The following PAAF1 variants were observed in gnomAD, a reference collection of about 807,000 sequenced individuals.
The protein encoded by PAAF1 is proteasomal ATPase associated factor 1, also known as proteasomal ATPase-associated factor 1.
PAAF1 carries 46 observed loss-of-function variants against 52.8 expected under a neutral mutation model. The ratio of observed to expected loss-of-function variants is 0.87; its 90% confidence interval spans 0.69 to 1.11. The LOEUF (loss-of-function observed/expected upper bound fraction) is 1.11. Among genes scored for constraint, PAAF1 ranks in the 50% most tolerant of loss-of-function variants. PAAF1 has a pLI of 0.00. For synonymous variants in PAAF1, 178 were observed against 172.8 expected, an observed-to-expected ratio of 1.03 and a Z score of -0.24; for missense variants, 424 against 477.4, an observed-to-expected ratio of 0.89 and a Z score of 1.04.
chr11:73,889,809 C>T (rs1430160977), intron 3 of PAAF1, among the ~76,000 whole-genome samples: 4 of 152,196 alleles, frequency 2.6e-5, no homozygotes, highest in Non-Finnish European at 5.9e-5. Context: ...GCTATATGGG[C>T]TTTATCACAC....
At chr11:73,876,790 C>T, upstream of PAAF1, 1 of 408,636 alleles carries the variant, frequency 2.4e-6, no homozygotes, top group Non-Finnish European at 4.3e-6. Context: ...CGAACGCACG[C>T]TCCTACGCGG....
chr11:73,900,710 C>T (rs1429725523), intron 6 of PAAF1, among the ~76,000 whole-genome samples: 2 of 152,108 alleles, frequency 1.3e-5, no homozygotes, highest in African/African-American at 4.8e-5. Flanking sequence ...TGGCCGGGCG[C>T]GGTGGCTCAC....
rs138585730 is a variant in PAAF1 at position 73,920,305 on chromosome 11, G to A, written c.1018+1273G>A. On this transcript the variant is annotated intron_variant, in intron 10 of 11. Transcript: ENST00000310571. The stretch of plus-strand genomic sequence containing the variant: ...TCCCAGCATTTTGGGAGGCTGAGGC[G>A]GGAGGATCACTTGAGCCCAGGAGTT... Among the ~76,000 whole-genome samples, 828 of 152,154 alleles carry A rather than the reference G, an allele frequency of 5.4e-3. 8 individuals are homozygous for A. Among genetic ancestry groups the A allele is most frequent in the African/African-American group, 0.018 (747 of 41,512 alleles).
intron 4 of PAAF1, among the ~76,000 whole-genome samples, chr11:73,897,215 G>A (rs1329972184): frequency 1.6e-5 from 2 of 123,468 alleles, no homozygotes; most frequent in East Asian, 4.6e-4. Context: ...CGGACGGGGC[G>A]GCTGGCCGGG....
chr11:73,913,147 G>T (rs975473407), intron 7 of PAAF1, among the ~76,000 whole-genome samples: 4 of 152,140 alleles, frequency 2.6e-5, no homozygotes, highest in African/African-American at 7.2e-5. Context: ...AAAATTCTGG[G>T]ATTACAGGCG....
At chr11:73,908,064 T>C (rs1949808438) in intron 6 of PAAF1, among the ~76,000 whole-genome samples, 1 of 152,078 alleles carries the variant, frequency 6.6e-6, no homozygotes, top group African/African-American at 2.4e-5. Context: ...ATGCTTGTGG[T>C]GTCAATGACT....
At chr11:73,882,532 C>T (rs1482780526) in intron 2 of PAAF1, among the ~76,000 whole-genome samples, 1 of 151,582 alleles carries the variant, frequency 6.6e-6, no homozygotes, top group Non-Finnish European at 1.5e-5. Context: ...CTGCAACCTC[C>T]ACCTCCTGGA....
At chr11:73,880,551 G>T (rs927943562) in intron 2 of PAAF1, 1 of 150,898 alleles carries the variant, frequency 6.6e-6, no homozygotes, top group Non-Finnish European at 1.5e-5. Flanking sequence ...GCCGGATGTG[G>T]TGGTGGGCCC....
chr11:73,876,814 G>A, upstream of PAAF1: 1 of 442,616 alleles, frequency 2.3e-6, no homozygotes, highest in Non-Finnish European at 3.8e-6. Context: ...CTTGGGTTTC[G>A]CAGGCGGTTG....
rs1036050992 is a variant in PAAF1, at chr11:73,928,212, A to G, written c.*850A>G. 1 of 152,206 alleles carries G rather than the reference A, an allele frequency of 6.6e-6. No homozygotes were observed. The allele number at this position is 152,206 out of a possible 1,614,324, so 9.4% of individuals were successfully genotyped here. On this transcript the variant is annotated 3_prime_UTR_variant, in exon 12 of 12. Transcript: ENST00000310571. ...ATTCCAGGTGATTCTGATGTATGCT[A>G]AAGCTTGAGAGCCACTGATCTAGAG...
At chr11:73,919,682 A>G (rs2135226522) in intron 10 of PAAF1, among the ~76,000 whole-genome samples, 1 of 152,288 alleles carries the variant, frequency 6.6e-6, no homozygotes, top group South Asian at 2.1e-4. Context: ...GAGTTCAGGA[A>G]TGGTGTTGGG....
In PAAF1 at chr11:73,929,510, A is replaced by G. The variant is rs971606277; in HGVS notation, c.*2148A>G. The G allele has an allele frequency of 6.6e-6, 1 of 152,232 alleles. No individual in the cohort carries two copies. The highest frequency in any genetic ancestry group is 1.5e-5 in the Non-Finnish European group (1 of 68,022). The allele number at this position is 152,232 out of a possible 1,614,324, so 9.4% of individuals were successfully genotyped here. On this transcript the variant is annotated 3_prime_UTR_variant, in exon 12 of 12. Coordinates refer to ENST00000310571, the MANE Select transcript of PAAF1 (RefSeq NM_025155.3). ...CAAGACTCAAAAAGCGAATGTTATT[A>G]TTTGTTTTATTCCGATAAGGAAACT... is the stretch of plus-strand genomic sequence containing the variant.
Position 73,877,011 on chromosome 11 carries a change from G to A in PAAF1, c.-11G>A. The A allele has an allele frequency of 6.5e-7, 1 of 1,529,702 alleles. No individual in the cohort carries two copies. Among genetic ancestry groups the A allele is most frequent in the Non-Finnish European group, 8.8e-7 (1 of 1,135,618 alleles). 94.8% of individuals were successfully genotyped at this position (1,529,702 alleles called of 1,614,324 possible). ...GGGCGGAAGAGGTGGGCTGGTGGAG[G>A]CGGGGTCGAGATGGCGGCGCCTTTG... On this transcript the variant is annotated 5_prime_UTR_variant, in exon 1 of 12. Coordinates refer to ENST00000310571, the MANE Select transcript of PAAF1 (RefSeq NM_025155.3).
chr11:73,893,354 A>G (rs1949248263), intron 4 of PAAF1, among the ~76,000 whole-genome samples: 1 of 152,232 alleles, frequency 6.6e-6, no homozygotes, highest in South Asian at 2.1e-4. Context: ...TTGTAATGCC[A>G]GTTATATTAT....
chr11:73,880,176 A>C (rs1203990337), intron 2 of PAAF1: 1 of 151,970 alleles, frequency 6.6e-6, no homozygotes, highest in African/African-American at 2.4e-5. Context: ...AGCTGTGATT[A>C]TGCTACTGGA....
chr11:73,927,473 C>T lies in PAAF1; in HGVS notation c.*111C>T. ...CCATGGCGTTTAATGTCTTGGGCACCCCTTGGAAATCACAGAAAGTCAGCT... is the reference window on the plus strand; with the variant it reads ...CCATGGCGTTTAATGTCTTGGGCACTCCTTGGAAATCACAGAAAGTCAGCT... On this transcript the variant is annotated 3_prime_UTR_variant, in exon 12 of 12. Coordinates refer to ENST00000310571, the MANE Select transcript of PAAF1 (RefSeq NM_025155.3). 2.2e-6 allele frequency: 2 copies of T among 909,026 alleles called. No homozygotes were observed. The highest frequency in any genetic ancestry group is 1.5e-5 in the South Asian group (1 of 67,590). 56.3% of individuals were successfully genotyped at this position (909,026 alleles called of 1,614,324 possible).
chr11:73,891,146 C>A lies in PAAF1; in HGVS notation c.227C>A (p.Ala76Glu). The change falls in exon 4 of 12, where the codon GCA becomes GAA. Residue 76 changes from alanine to glutamate, a missense_variant. By Grantham distance (107) the Ala-to-Glu change is moderately radical (BLOSUM62 -1). Coordinates refer to ENST00000310571, the MANE Select transcript of PAAF1 (RefSeq NM_025155.3). ...CATATTTCATGTCCAAAGGAAAATG[C>A]ATCTTCTAAGTTTTTGGCACCATAT... ...SIHISCPKEN[A>E]SSKFLAPYTT... 1 of 1,601,316 alleles carries A rather than the reference C, an allele frequency of 6.2e-7. No individual in the cohort carries two copies. Among genetic ancestry groups the A allele is most frequent in the Non-Finnish European group, 8.5e-7 (1 of 1,169,638 alleles).
At chr11:73,898,686 C>T (rs184101289) in intron 4 of PAAF1, among the ~76,000 whole-genome samples, 2 of 152,122 alleles carry the variant, frequency 1.3e-5, no homozygotes, top group African/African-American at 4.8e-5. Context: ...CAGTGGTGTG[C>T]GCCTGTAGTC....
rs1038954034 is a variant in PAAF1, at chr11:73,929,550, T to C, written c.*2188T>C. On this transcript the variant is annotated 3_prime_UTR_variant, in exon 12 of 12. Coordinates refer to ENST00000310571, the MANE Select transcript of PAAF1 (RefSeq NM_025155.3). ...ATAAGGAAACTGAGACTCAATACATTAAATACCAGAGGCTTCATTTGGACC... is the reference window on the plus strand; with the variant it reads ...ATAAGGAAACTGAGACTCAATACATCAAATACCAGAGGCTTCATTTGGACC... The C allele has an allele frequency of 1.8e-4, 27 of 152,390 alleles. No homozygotes were observed. The highest frequency in any genetic ancestry group is 5.5e-4 in the African/African-American group (23 of 41,594). 9.4% of individuals were successfully genotyped at this position (152,390 alleles called of 1,614,324 possible).
Sources: gnomAD v4.1 joint callset for allele counts (sites outside exome capture counted in the v4.1 genomes callset) on GRCh38, gnomAD v4.1.1 for gene constraint, MANE v1.5 for transcripts, NCBI Gene and HGNC (gene_info 2026-07-23, HGNC 2026-07-21) for gene names.